The following LRRC45 variants were observed in gnomAD, a reference collection of about 807,000 sequenced individuals.
LRRC45 encodes leucine rich repeat containing 45, also known as leucine-rich repeat-containing protein 45.
In LRRC45, 73 loss-of-function variants were observed where a neutral mutation model predicts 85.4. The ratio of observed to expected loss-of-function variants is 0.85; its 90% confidence interval spans 0.71 to 1.04. LRRC45 has a LOEUF of 1.04. LRRC45 is among the 50% of genes least tolerant of loss of function. LRRC45 has a pLI of 0.00. For missense variants in LRRC45, 937 were observed against 883.3 expected (o/e 1.06, Z -0.77); for synonymous variants, 429 against 386.0 (o/e 1.11, Z -1.31).
chr17:82,030,145 G>A lies in LRRC45; in HGVS notation c.1575G>A (p.Gln525=). Residue 525 remains glutamine, a synonymous_variant, in exon 15 of 17, where the codon CAG becomes CAA. Coordinates refer to ENST00000306688, the MANE Select transcript of LRRC45 (RefSeq NM_144999.4). ...ACGAGGCGCAGGGCGCTTGCCTACA[G>A]CAGAAGCAGGTGGTGGCCGAGGCCC... ...ARDEAQGACL[Q]QKQVVAEAQT... is the part of the protein sequence containing the mutation. 6.5e-7 allele frequency: 1 copy of A among 1,548,052 alleles called. No homozygotes were observed. The highest frequency in any genetic ancestry group is 8.7e-7 in the Non-Finnish European group (1 of 1,146,650).
In LRRC45 at chr17:82,030,768, A is replaced by G; in HGVS notation, c.1976A>G (p.Gln659Arg). Residue 659 changes from glutamine (Q) to arginine (R), a missense_variant, in exon 17 of 17, where the codon CAG becomes CGG. By Grantham distance (43) the Gln-to-Arg change is conservative (BLOSUM62 1). Coordinates refer to ENST00000306688, the MANE Select transcript of LRRC45 (RefSeq NM_144999.4). ...CAGAACGCCGTCCTGGCTTACGTGC[A>G]GGCGTCCCCCGTGAGGACCCTGAGC... ...FLQNAVLAYV[Q>R]ASPVRTLSPP... 6.9e-7 allele frequency: 1 copy of G among 1,440,438 alleles called. No individual in the cohort carries two copies. Among genetic ancestry groups the G allele is most frequent in the Non-Finnish European group, 9.3e-7 (1 of 1,080,632 alleles). The allele number at this position is 1,440,438 out of a possible 1,614,324, so 89.2% of individuals were successfully genotyped here. A position where few individuals can be genotyped will look rare whatever the true frequency, so the allele number is the denominator to read the frequency against.
chr17:82,027,189 TC>T (rs1438856665), intron 6 of LRRC45, among the ~76,000 whole-genome samples, 178 bp downstream of exon 6: 6 of 152,162 alleles, frequency 3.9e-5, no homozygotes, highest in African/African-American at 7.2e-5. Context: ...CAGGTGGACT[TC>T]CTTGGGGAGC....
Position 82,026,599 on chromosome 17 carries a change from T to TGTGTGTGA in LRRC45, c.662-299_662-298insTGTGTGAG, listed in dbSNP as rs1416301920. Among the ~76,000 whole-genome samples, 937 of 151,046 alleles carry TGTGTGTGA rather than the reference T, an allele frequency of 6.2e-3. 8 individuals carry two copies. The highest frequency in any genetic ancestry group is 0.021 in the African/African-American group (868 of 40,664). On this transcript the variant is annotated intron_variant, in intron 5 of 16. Coordinates refer to ENST00000306688, the MANE Select transcript of LRRC45 (RefSeq NM_144999.4). ...GTGTGTGTGTGTGTGTGTGTGTGTG[T>TGTGTGTGA]GACTGAGTTTCACTCAGTCACCCAG...
chr17:82,028,198 G>T (rs749423772), intron 9 of LRRC45, 36 bp from the exon 10 acceptor site: 1 of 1,560,930 alleles, frequency 6.4e-7, no homozygotes, highest in African/African-American at 1.4e-5. Flanking sequence ...TGGCGGCTTC[G>T]TGACCCTCAC....
At chr17:82,026,649 G>A (rs1568014608) in intron 5 of LRRC45, among the ~76,000 whole-genome samples, 1 of 151,470 alleles carries the variant, frequency 6.6e-6, no homozygotes, top group Admixed American at 6.6e-5. Flanking sequence ...GCGCAATCTC[G>A]GCTCACTGCA....
In LRRC45 at chr17:82,030,771, C is replaced by T. The variant is rs530853258; in HGVS notation, c.1979C>T (p.Ala660Val). 3 of 1,437,582 alleles carry T rather than the reference C, an allele frequency of 2.1e-6. No individual in the cohort carries two copies. The highest frequency in any genetic ancestry group is 1.5e-5 in the African/African-American group (1 of 68,502). 89.1% of individuals were successfully genotyped at this position (1,437,582 alleles called of 1,614,324 possible). Residue 660 changes from alanine to valine, a missense_variant, in exon 17 of 17, where the codon GCG (alanine) becomes GTG (valine). Ala to Val is a moderately conservative substitution (Grantham distance 64). Coordinates refer to ENST00000306688, the MANE Select transcript of LRRC45 (RefSeq NM_144999.4). ...AACGCCGTCCTGGCTTACGTGCAGG[C>T]GTCCCCCGTGAGGACCCTGAGCCCC... Reference protein sequence around the residue: ...LQNAVLAYVQASPVRTLSPPK With the variant: ...LQNAVLAYVQVSPVRTLSPPK
In LRRC45 at chr17:82,028,234, G is replaced by A. The variant is rs1476954573; in HGVS notation, c.1048G>A (p.Glu350Lys). Residue 350 changes from glutamate to lysine, a missense_variant and splice_region_variant, in exon 10 of 17, where the codon GAA (glutamate) becomes AAA (lysine). Physicochemically the swap from Glu to Lys is moderately conservative, Grantham distance 56 (BLOSUM62 1). Coordinates refer to ENST00000306688, the MANE Select transcript of LRRC45 (RefSeq NM_144999.4). ...TACCCATACCCCGTTCCCCTCCCAG[G>A]AAGCTGCAGAGCGGGAGTCTAAACT... ...QAKELKLEQQEAAERESKLLR... is the reference protein window; with the variant it reads ...QAKELKLEQQKAAERESKLLR... The A allele has an allele frequency of 2.5e-6, 4 of 1,572,028 alleles. No individual in the cohort carries two copies. Among genetic ancestry groups the A allele is most frequent in the Admixed American group, 3.7e-5 (2 of 53,428 alleles).
chr17:82,029,193 C>T lies in LRRC45; in HGVS notation c.1401+8C>T. ...CGGCTGTCCCTGGAGGAGGTGAGTG[C>T]CCACCAGGCAGGGCCAAGCTCTGCC... On this transcript the variant is annotated splice_region_variant and intron_variant, in intron 13 of 16. Coordinates refer to ENST00000306688, the MANE Select transcript of LRRC45 (RefSeq NM_144999.4). 1 of 1,607,748 alleles carries T rather than the reference C, an allele frequency of 6.2e-7. No homozygotes were observed.
intron 7 of LRRC45, 89 bp from the exon 8 acceptor site, chr17:82,027,585 T>C: frequency 6.5e-7 from 1 of 1,539,438 alleles, no homozygotes. Context: ...CATAGATGCT[T>C]AAGGAACAGC....
chr17:82,024,561 G>C, intron 2 of LRRC45, 132 bp from the exon 3 acceptor site: 2 of 1,128,890 alleles, frequency 1.8e-6, no homozygotes, highest in Non-Finnish European at 2.5e-6. Flanking sequence ...AAGACAGGGA[G>C]CCCAGGAGCT....
intron 12 of LRRC45, 163 bp from the exon 13 acceptor site, chr17:82,028,930 T>C (rs1598456157): frequency 1.4e-6 from 1 of 722,990 alleles, no homozygotes; most frequent in Non-Finnish European, 2.3e-6. Flanking sequence ...TCGTTCAGGG[T>C]GTGCATGCTG....
chr17:82,025,857 G>A (rs2043363648), intron 5 of LRRC45, among the ~76,000 whole-genome samples: 1 of 152,110 alleles, frequency 6.6e-6, no homozygotes, highest in Non-Finnish European at 1.5e-5. Context: ...TGGCCAGGAA[G>A]GCTCCCTGGT....
At chr17:82,027,302 G>T in intron 6 of LRRC45, 84 bp from the exon 7 acceptor site, 2 of 1,531,808 alleles carry the variant, frequency 1.3e-6, no homozygotes. Flanking sequence ...CACATTGGTG[G>T]GCGCTGGCTC....
chr17:82,030,516 A>G, intron 16 of LRRC45, 50 bp downstream of exon 16: 1 of 1,524,430 alleles, frequency 6.6e-7, no homozygotes. Flanking sequence ...ACGTGAGGCC[A>G]GCCAGAGAGC....
At chr17:82,029,357 G>A (rs947023307) in intron 13 of LRRC45, 172 bp downstream of exon 13, 8 of 881,052 alleles carry the variant, frequency 9.1e-6, no homozygotes, top group Non-Finnish European at 1.4e-5. Flanking sequence ...AAGGGACTTA[G>A]GTGGCATTCG....
rs1442672784 is a variant in LRRC45 at position 82,025,057 on chromosome 17, C to A, written c.411C>A (p.Cys137Ter). 2 of 1,608,568 alleles carry A rather than the reference C, an allele frequency of 1.2e-6. No individual in the cohort carries two copies. The highest frequency in any genetic ancestry group is 1.7e-6 in the Non-Finnish European group (2 of 1,178,048). The change falls in exon 4 of 17, where the codon TGC becomes TGA. Residue 137 changes from cysteine to a stop codon, truncating the protein, a stop_gained. Transcript: ENST00000306688. LOFTEE classifies it high-confidence loss of function. The part of the protein sequence containing the change: ...GTWDDAFATF[C>*]GGLAANGALQ... ...GGGACGATGCCTTCGCCACCTTCTG[C>A]GGGGGCCTGGCGGCCAACGGCGCCC... is the stretch of plus-strand genomic sequence containing the variant.
Position 82,031,114 on chromosome 17 carries a change from CG to C in LRRC45, c.*313del. On this transcript the variant is annotated 3_prime_UTR_variant, in exon 17 of 17. Coordinates refer to ENST00000306688, the MANE Select transcript of LRRC45 (RefSeq NM_144999.4). Reference sequence around the variant, plus strand: ...GAACGCTGCGGCCGCCTGCGCGCGGCGGGGTTTGGAAATACAGCGCGTTTGC... The same window carrying C: ...GAACGCTGCGGCCGCCTGCGCGCGGCGGGTTTGGAAATACAGCGCGTTTGC... The C allele has an allele frequency of 2.9e-6, 1 of 340,032 alleles. No individual in the cohort carries two copies. The highest frequency in any genetic ancestry group is 5.3e-6 in the Non-Finnish European group (1 of 188,086). 21.1% of individuals were successfully genotyped at this position (340,032 alleles called of 1,614,324 possible).
rs1364753650 is a variant in LRRC45, at chr17:82,025,487, G to C, written c.641G>C (p.Gly214Ala). ...GACCTGGCTGGGAACAACATCCCTG[G>C]AGACGTCCTCAGAGCCGTGGGTACG... ...RLDLAGNNIPGDVLRAVEQAM... is the reference protein window; with the variant it reads ...RLDLAGNNIPADVLRAVEQAM... Residue 214 changes from glycine to alanine, a missense_variant, in exon 5 of 17, where the codon GGA (glycine) becomes GCA (alanine). By Grantham distance (60) the Gly-to-Ala change is moderately conservative. Transcript: ENST00000306688. The C allele has an allele frequency of 6.2e-7, 1 of 1,607,630 alleles. No homozygotes were observed. The highest frequency in any genetic ancestry group is 8.5e-7 in the Non-Finnish European group (1 of 1,177,062).
Position 82,023,748 on chromosome 17 carries a change from G to A in LRRC45, c.105G>A (p.Leu35=). ...TGCACCAGCTTCCCAGGGGCCGGCT[G>A]GACCTGGCCACGCAAAGCCTGACGG... The part of the protein sequence containing the change: ...QQLHQLPRGR[L]DLATQSLTVE... Residue 35 remains leucine, a synonymous_variant, in exon 1 of 17, where the codon CTG becomes CTA. Transcript: ENST00000306688. 6.4e-7 allele frequency: 1 copy of A among 1,554,098 alleles called. No homozygotes were observed. The highest frequency in any genetic ancestry group is 8.7e-7 in the Non-Finnish European group (1 of 1,152,868).
Sources: gnomAD v4.1 joint callset for allele counts (sites outside exome capture counted in the v4.1 genomes callset) on GRCh38, gnomAD v4.1.1 for gene constraint, MANE v1.5 for transcripts, NCBI Gene and HGNC (gene_info 2026-07-23, HGNC 2026-07-21) for gene names.